The following SYNJ2 variants were observed in gnomAD, a reference collection of about 807,000 sequenced individuals.
The protein encoded by SYNJ2 is polyphosphatidylinositol phosphatase SYNJ2.
Under a neutral mutation model 141.3 loss-of-function variants are expected in SYNJ2, and 116 were observed. The ratio of observed to expected loss-of-function variants is 0.82; its 90% CI spans 0.71 to 0.96. The LOEUF is 0.96. Ranked by LOEUF, SYNJ2 falls within the 40% of genes least tolerant of loss-of-function variation. SYNJ2 has a pLI of 0.00. For synonymous variants in SYNJ2, 745 were observed against 777.7 expected, an observed-to-expected ratio of 0.96 and a Z score of 0.70; for missense variants, 1,873 against 1,934.8, an observed-to-expected ratio of 0.97 and a Z score of 0.60.
At chr6:158,006,000 C>T (rs75271249) in intron 1 of SYNJ2, among the ~76,000 whole-genome samples, 97 of 152,330 alleles carry the variant, frequency 6.4e-4, no homozygotes, top group African/African-American at 2.2e-3. Context: ...CTGCTCCTGC[C>T]ACATCCGTCC....
intron 25 of SYNJ2, among the ~76,000 whole-genome samples, chr6:158,090,542 GTTTTT>G (rs58356198): frequency 1.8e-5 from 2 of 113,924 alleles, no homozygotes; most frequent in African/African-American, 6.5e-5. Flanking sequence ...TTTTTTTTTT[GTTTTT>G]TTTTTTTTTT....
intron 5 of SYNJ2, among the ~76,000 whole-genome samples, chr6:158,046,301 A>G (rs1463365294): frequency 6.6e-6 from 1 of 152,122 alleles, no homozygotes. Context: ...TAATCTTATT[A>G]AGGATTTGCT....
rs376076629 is a variant in SYNJ2 at position 158,018,535 on chromosome 6, G to A, written c.214+1245G>A. ...AAAGCTGCCAGAAAAGCACGGTTAC[G>A]TTGGCCATTCCTTTTCTGGGTGTTT... On this transcript the variant is annotated intron_variant, in intron 2 of 26. Transcript: ENST00000355585. 2.0e-4 allele frequency among the ~76,000 whole-genome samples: 30 copies of A among 152,324 alleles called. No homozygotes were observed. The East Asian group carries it at 3.7e-3, about 19-fold the overall frequency.
chr6:157,988,213 A>G (rs73577696), intron 1 of SYNJ2, among the ~76,000 whole-genome samples: 32,950 of 152,104 alleles, frequency 0.22, 3,904 homozygotes, highest in Middle Eastern at 0.3. Flanking sequence ...CGGGACACAC[A>G]CTAGCTGGGA....
chr6:158,058,948 T>A (rs1781035861), intron 6 of SYNJ2, among the ~76,000 whole-genome samples: 1 of 152,212 alleles, frequency 6.6e-6, no homozygotes, highest in Non-Finnish European at 1.5e-5. Context: ...CAAAATTCTC[T>A]TGATGAAAGT....
intron 1 of SYNJ2, among the ~76,000 whole-genome samples, chr6:157,985,565 G>A (rs1348512065): frequency 1.3e-5 from 2 of 152,192 alleles, no homozygotes; most frequent in Non-Finnish European, 2.9e-5. Flanking sequence ...TTAGCAAACA[G>A]ATGTTCCCTT....
chr6:158,038,076 G>A (rs558563808), intron 4 of SYNJ2, among the ~76,000 whole-genome samples: 3 of 152,322 alleles, frequency 2.0e-5, no homozygotes, highest in Non-Finnish European at 2.9e-5. Context: ...CCCACCTCGG[G>A]CAGCCTGGCA....
Position 158,095,714 on chromosome 6 carries a change from C to T in SYNJ2, c.3841C>T (p.Pro1281Ser), listed in dbSNP as rs1258940128. The change falls in exon 27 of 27, where the codon CCT becomes TCT. Residue 1281 changes from proline (P) to serine (S), a missense_variant. Transcript: ENST00000355585. ...SVEAPPVVTA[P>S]RVPPVPKPRT... ...TGAGGCCCCTCCTGTCGTGACAGCC[C>T]CTCGAGTCCCTCCTGTTCCCAAACC... 1.2e-6 allele frequency: 2 copies of T among 1,614,016 alleles called. No individual in the cohort carries two copies. Among genetic ancestry groups the T allele is most frequent in the East Asian group, 4.5e-5 (2 of 44,890 alleles).
chr6:158,053,428 G>T (rs530759817), intron 5 of SYNJ2, among the ~76,000 whole-genome samples: 18 of 152,304 alleles, frequency 1.2e-4, no homozygotes, highest in Admixed American at 1.2e-3. Flanking sequence ...GTTGTAAAAT[G>T]ATGATTTTTA....
chr6:157,990,156 C>T (rs971838446), intron 1 of SYNJ2, among the ~76,000 whole-genome samples: 1 of 152,222 alleles, frequency 6.6e-6, no homozygotes, highest in Non-Finnish European at 1.5e-5. Context: ...GCCTGTCAGC[C>T]ACAGAGGCAG....
rs1016391934 is a variant in SYNJ2 at position 158,084,315 on chromosome 6, G to A, written c.3208+141G>A. On this transcript the variant is annotated intron_variant, in intron 22 of 26. Transcript: ENST00000355585. This position sits in a 1 kb window ranked among gnomAD's most constrained non-coding sequence, Gnocchi z 5.0. ...GAGACCTCAACCAGGCAGGCCAAGC[G>A]AGGGGTAGGGACTGAGCCCTGTGGA... 3.0e-5 allele frequency: 27 copies of A among 911,982 alleles called. No homozygotes were observed. In the Middle Eastern group the frequency reaches 1.1e-3, roughly 36 times the overall value. 56.5% of individuals were successfully genotyped at this position (911,982 alleles called of 1,614,324 possible).
intron 7 of SYNJ2, among the ~76,000 whole-genome samples, chr6:158,060,532 C>T (rs185014548): frequency 5.8e-4 from 89 of 152,346 alleles, no homozygotes; most frequent in Admixed American, 5.6e-3. Context: ...GAGCCTTTCC[C>T]TCTGCTTAGA....
intron 1 of SYNJ2, among the ~76,000 whole-genome samples, chr6:158,010,703 G>T (rs909478797): frequency 6.6e-6 from 1 of 152,188 alleles, no homozygotes; most frequent in Non-Finnish European, 1.5e-5. Flanking sequence ...GCTGAGATGA[G>T]ATTATACTGG....
rs1783922641 is a variant in SYNJ2, at chr6:158,098,961, A to G, written c.*2597A>G. The G allele has an allele frequency of 6.6e-6, 1 of 152,262 alleles. No individual in the cohort carries two copies. The allele number at this position is 152,262 out of a possible 1,614,324, so 9.4% of individuals were successfully genotyped here. A position where few individuals can be genotyped will look rare whatever the true frequency, so the allele number is the denominator to read the frequency against. On this transcript the variant is annotated 3_prime_UTR_variant, in exon 27 of 27. Coordinates refer to ENST00000355585, the MANE Select transcript of SYNJ2 (RefSeq NM_003898.4). ...TAACGGTTTAACGTTGTTGAAGTTCAAGGCACATAATAAAATTCTCCCTGA... is the reference window on the plus strand; with the variant it reads ...TAACGGTTTAACGTTGTTGAAGTTCGAGGCACATAATAAAATTCTCCCTGA...
chr6:158,096,184 G>A lies in SYNJ2; in HGVS notation c.4311G>A (p.Leu1437=), dbSNP rs773336639. The A allele has an allele frequency of 6.2e-7, 1 of 1,614,220 alleles. No homozygotes were observed. Among genetic ancestry groups the A allele is most frequent in the Admixed American group, 1.7e-5 (1 of 60,028 alleles). Reference sequence around the variant, plus strand: ...GGCTTTCTAAGAGCTCAGACCCTTTGGACTCAGGAACCAGGAGCCCCAAAA... The same window carrying A: ...GGCTTTCTAAGAGCTCAGACCCTTTAGACTCAGGAACCAGGAGCCCCAAAA... ...NTWLSKSSDP[L]DSGTRSPKRD... Residue 1437 remains leucine, a synonymous_variant, in exon 27 of 27, where the codon TTG becomes TTA. Transcript: ENST00000355585.
At chr6:158,062,658 A>G (rs918735343) in intron 8 of SYNJ2, among the ~76,000 whole-genome samples, 1 of 152,250 alleles carries the variant, frequency 6.6e-6, no homozygotes, top group African/African-American at 2.4e-5. Flanking sequence ...GGTCACATGC[A>G]GGGGGTCCTC....
rs761787048 is a variant in SYNJ2, at chr6:158,076,726, C to A, written c.2393C>A (p.Pro798His). Reference protein sequence around the residue: ...AYDTSDKCRTPAWTDRVLWWR... With the variant: ...AYDTSDKCRTHAWTDRVLWWR... The stretch of plus-strand genomic sequence containing the variant: ...GATACAAGCGACAAATGCCGCACCC[C>A]CGCCTGGACAGACAGGGTGCTGTGG... Residue 798 changes from proline to histidine, a missense_variant, in exon 17 of 27, where the codon CCC becomes CAC. Pro to His is a moderately conservative substitution (Grantham distance 77). Coordinates refer to ENST00000355585, the MANE Select transcript of SYNJ2 (RefSeq NM_003898.4). The A allele has an allele frequency of 2.5e-6, 4 of 1,614,086 alleles. No homozygotes were observed. The highest frequency in any genetic ancestry group is 1.7e-5 in the Admixed American group (1 of 60,008).
chr6:158,024,180 T>A (rs911917635), intron 2 of SYNJ2, among the ~76,000 whole-genome samples: 5 of 152,110 alleles, frequency 3.3e-5, no homozygotes, highest in African/African-American at 1.2e-4. Flanking sequence ...ATCCCAGCAC[T>A]TTGGGAGGCC....
intron 5 of SYNJ2, among the ~76,000 whole-genome samples, chr6:158,046,466 A>G (rs1780243099): frequency 6.6e-6 from 1 of 152,150 alleles, no homozygotes; most frequent in African/African-American, 2.4e-5. Context: ...GGCTGCTTCT[A>G]GTTATTTTTC....
Sources: gnomAD v4.1 joint callset for allele counts (sites outside exome capture counted in the v4.1 genomes callset) on GRCh38, gnomAD v4.1.1 for gene constraint, Gnocchi (gnomAD v3.1) non-coding constraint, MANE v1.5 for transcripts, NCBI Gene and HGNC (gene_info 2026-07-23, HGNC 2026-07-21) for gene names.